Variants in MRTFB observed in about 807,000 individuals in gnomAD.
The protein encoded by MRTFB is myocardin related transcription factor B, also known as myocardin-related transcription factor B.
A neutral mutation model predicts 104.2 loss-of-function variants in MRTFB; 29 were observed. The observed-to-expected ratio is 0.28, with a 90% CI of 0.21 to 0.38. MRTFB has a LOEUF of 0.38. MRTFB is among the 10% of genes least tolerant of loss of function. MRTFB has a pLI of 1.00. For synonymous variants in MRTFB, 535 were observed against 519.5 expected (o/e 1.03, Z -0.41); for missense variants, 1,270 against 1,341.6 (o/e 0.95, Z 0.83).
chr16:14,084,158 A>C (rs757016310), intron 2 of MRTFB, among the ~76,000 whole-genome samples: 4 of 152,350 alleles, frequency 2.6e-5, no homozygotes, highest in Non-Finnish European at 4.4e-5. Context: ...ACTATAGGTC[A>C]ACTGACTGTT....
At chr16:14,071,721 G>A (rs970894736) in intron 1 of MRTFB, among the ~76,000 whole-genome samples, 20 of 152,218 alleles carry the variant, frequency 1.3e-4, no homozygotes, top group South Asian at 1.0e-3. Flanking sequence ...CTTGCACGCC[G>A]GGGCTGCACA....
At position 14,231,052 on chromosome 16, in the gene MRTFB, G is replaced by A. The variant is rs1278932479; in HGVS notation, c.694-3094G>A. On this transcript the variant is annotated intron_variant, in intron 8 of 16. Transcript: ENST00000571589. The stretch of plus-strand genomic sequence containing the variant: ...ACAAGAACAAAAAACCAAACACCAC[G>A]TATTCTCACTCATAGGTGGGAATTG... 8.3e-4 allele frequency among the ~76,000 whole-genome samples: 125 copies of A among 149,944 alleles called. 1 individual carries two copies. Among genetic ancestry groups the A allele is most frequent in the East Asian group, 2.0e-3 (10 of 4,990 alleles).
chr16:13,995,516 A>G, the MRTFB span, among the ~76,000 whole-genome samples: 1 of 152,192 alleles, frequency 6.6e-6, no homozygotes, highest in Non-Finnish European at 1.5e-5. Context: ...AGTGACCTAA[A>G]TGCAGCCTTT....
chr16:14,097,114 C>T (rs2035418989), intron 2 of MRTFB, among the ~76,000 whole-genome samples: 1 of 152,146 alleles, frequency 6.6e-6, no homozygotes, highest in African/African-American at 2.4e-5. Flanking sequence ...TGATTATGAC[C>T]TTATAAATTA....
Position 14,245,443 on chromosome 16 carries a change from A to G in MRTFB, c.1080-85A>G, listed in dbSNP as rs553867741. ...CCATAACCATGGTATTTTTCTCTTC[A>G]TAAGTTAGTCAAATTGTTAATAGAA... On this transcript the variant is annotated intron_variant, in intron 10 of 16. Transcript: ENST00000571589. The G allele has an allele frequency of 3.1e-5, 37 of 1,208,720 alleles. No individual in the cohort carries two copies. The African/African-American group carries it at 5.1e-4, about 17-fold the overall frequency. The allele number at this position is 1,208,720 out of a possible 1,614,324, so 74.9% of individuals were successfully genotyped here. A position where few individuals can be genotyped will look rare whatever the true frequency, so the allele number is the denominator to read the frequency against.
rs116961926 is a variant in MRTFB at position 14,234,666 on chromosome 16, A to T, written c.831+383A>T. On this transcript the variant is annotated intron_variant, in intron 9 of 16. Transcript: ENST00000571589. The stretch of plus-strand genomic sequence containing the variant: ...AAAAGTTAGCCAGAGGTGGTGGTGC[A>T]TGCCTATAGTCTCAGCTACTCAGGA... Among the ~76,000 whole-genome samples the T allele has an allele frequency of 6.5e-4, 99 of 152,262 alleles. 1 individual carries two copies. The East Asian group carries it at 0.018, about 27-fold the overall frequency.
chr16:14,030,004 G>T, the MRTFB span, among the ~76,000 whole-genome samples: 4 of 151,894 alleles, frequency 2.6e-5, no homozygotes, highest in Non-Finnish European at 5.9e-5. Context: ...CATGGGGAGG[G>T]GGGAGGGGAG....
chr16:14,256,194 C>CAAAAAAAAAA (rs750556838), intron 15 of MRTFB, among the ~76,000 whole-genome samples: 3 of 77,642 alleles, frequency 3.9e-5, no homozygotes, highest in African/African-American at 9.7e-5. Context: ...AACAGGATAA[C>CAAAAAAAAAA]AAAAAAAAAA....
chr16:14,218,767 C>CT, intron 7 of MRTFB, 53 bp from the exon 8 acceptor site: 1 of 1,508,760 alleles, frequency 6.6e-7, no homozygotes, highest in South Asian at 1.3e-5. Flanking sequence ...TCACATTAAG[C>CT]TTGGTATTCC....
the MRTFB span, among the ~76,000 whole-genome samples, chr16:14,061,294 A>C: frequency 3.3e-5 from 5 of 152,200 alleles, no homozygotes; most frequent in Non-Finnish European, 5.9e-5. Flanking sequence ...GGCCCAGAAG[A>C]GATACTTACT....
the MRTFB span, among the ~76,000 whole-genome samples, chr16:14,027,182 C>A: frequency 9.2e-5 from 14 of 152,150 alleles, no homozygotes; most frequent in African/African-American, 3.4e-4. Flanking sequence ...GATAAGCCAA[C>A]TGCTACTCAG....
chr16:14,126,340 G>A (rs1185047647), intron 2 of MRTFB, among the ~76,000 whole-genome samples: 1 of 152,010 alleles, frequency 6.6e-6, no homozygotes, highest in Non-Finnish European at 1.5e-5. Flanking sequence ...GTTACTTTAA[G>A]AGCTAACCTG....
At chr16:14,223,464 C>T (rs1214435387) in intron 8 of MRTFB, among the ~76,000 whole-genome samples, 1 of 151,866 alleles carries the variant, frequency 6.6e-6, no homozygotes, top group Non-Finnish European at 1.5e-5. Context: ...AGAAAGAAAA[C>T]ATGGACAACA....
intron 2 of MRTFB, among the ~76,000 whole-genome samples, chr16:14,131,700 A>G (rs567760408): frequency 1.3e-5 from 2 of 152,290 alleles, no homozygotes; most frequent in East Asian, 3.9e-4. Flanking sequence ...AAGAAATTCA[A>G]CATCATTAGT....
intron 9 of MRTFB, among the ~76,000 whole-genome samples, chr16:14,238,404 T>C (rs2042617530): frequency 6.6e-6 from 1 of 152,120 alleles, no homozygotes; most frequent in African/African-American, 2.4e-5. Flanking sequence ...GTAAAGGTTG[T>C]AACAGAAAAG....
rs1012454623 is a variant in MRTFB at position 14,195,474 on chromosome 16, G to A, written c.155-14769G>A. On this transcript the variant is annotated intron_variant, in intron 3 of 16. Coordinates refer to ENST00000571589, the MANE Select transcript of MRTFB (RefSeq NM_001308142.2). ...CAAATGTGTATATGTAAATATATTT[G>A]AGTGTGTGTTTGTATCAGCCCCATT... 21 of 956,078 alleles carry A rather than the reference G, an allele frequency of 2.2e-5. No homozygotes were observed. In the Admixed American group the frequency reaches 1.1e-3, roughly 51 times the overall value. 59.2% of individuals were successfully genotyped at this position (956,078 alleles called of 1,614,324 possible). A position where few individuals can be genotyped will look rare whatever the true frequency, so the allele number is the denominator to read the frequency against.
intron 8 of MRTFB, among the ~76,000 whole-genome samples, chr16:14,223,278 C>G (rs1473799296): frequency 6.6e-6 from 1 of 151,940 alleles, no homozygotes; most frequent in Non-Finnish European, 1.5e-5. Flanking sequence ...CCACTATACT[C>G]TAGCCTGGAT....
rs1812720789 is a variant in MRTFB at position 14,266,622 on chromosome 16, G to A, written c.*5178G>A. 6.6e-6 allele frequency: 1 copy of A among 152,134 alleles called. No homozygotes were observed. Among genetic ancestry groups the A allele is most frequent in the African/African-American group, 2.4e-5 (1 of 41,428 alleles). The allele number at this position is 152,134 out of a possible 1,614,324, so 9.4% of individuals were successfully genotyped here. On this transcript the variant is annotated 3_prime_UTR_variant, in exon 17 of 17. Coordinates refer to ENST00000571589, the MANE Select transcript of MRTFB (RefSeq NM_001308142.2). ...ATGCCATACATTTTGCACATGTACT[G>A]TACATAAGTAATGCATACTGTATTT... is the stretch of plus-strand genomic sequence containing the variant.
chr16:14,025,113 G>A, the MRTFB span, among the ~76,000 whole-genome samples: 1 of 152,150 alleles, frequency 6.6e-6, no homozygotes, highest in Non-Finnish European at 1.5e-5. Flanking sequence ...ACTTCAAAGG[G>A]TACTTGATCA....
Sources: allele counts gnomAD v4.1 joint callset (sites outside exome capture counted in the v4.1 genomes callset), GRCh38; gene constraint gnomAD v4.1.1; transcripts MANE v1.5; gene names NCBI Gene and HGNC (gene_info 2026-07-23, HGNC 2026-07-21).